The following ANKFY1 variants were observed in gnomAD, a reference collection of about 807,000 sequenced individuals.
ANKFY1 encodes ankyrin repeat and FYVE domain-containing protein 1.
In ANKFY1, 47 loss-of-function variants were observed where a neutral mutation model predicts 128.3. The observed-to-expected ratio is 0.37, with a 90% CI of 0.29 to 0.47. The LOEUF (loss-of-function observed/expected upper bound fraction) is 0.47. Among genes scored for constraint, ANKFY1 ranks in the 20% least tolerant of loss-of-function variants. ANKFY1 has a pLI of 1.00. For synonymous variants in ANKFY1, 553 were observed against 601.6 expected, an observed-to-expected ratio of 0.92 and a Z score of 1.18; for missense variants, 1,222 against 1,510.6, an observed-to-expected ratio of 0.81 and a Z score of 3.17.
At position 4,169,080 on chromosome 17, in the gene ANKFY1, A is replaced by C; in HGVS notation, c.3377+118T>G. ...CTCATCTCATCCCTCCATTTGGTCA[A>C]GGTTTGCCCATCAATGTGCAGGACC... On this transcript the variant is annotated intron_variant, in intron 24 of 24. Transcript: ENST00000341657. This position sits in a 1 kb window ranked among gnomAD's most constrained non-coding sequence, Gnocchi z 5.0. 1.1e-6 allele frequency: 1 copy of C among 884,716 alleles called. No individual in the cohort carries two copies. The highest frequency in any genetic ancestry group is 1.8e-6 in the Non-Finnish European group (1 of 560,550). The allele number at this position is 884,716 out of a possible 1,614,324, so 54.8% of individuals were successfully genotyped here. A position where few individuals can be genotyped will look rare whatever the true frequency, so the allele number is the denominator to read the frequency against.
chr17:4,232,571 G>A (rs182075556), intron 3 of ANKFY1, among the ~76,000 whole-genome samples: 17 of 152,334 alleles, frequency 1.1e-4, no homozygotes, highest in Admixed American at 1.0e-3. Flanking sequence ...GATCACTCCT[G>A]AAAGCAAACC....
chr17:4,226,924 C>T (rs527530996), intron 3 of ANKFY1, among the ~76,000 whole-genome samples: 21 of 152,096 alleles, frequency 1.4e-4, no homozygotes, highest in African/African-American at 4.8e-4. Context: ...TTGCTACAGA[C>T]ATTAAAAGGA....
chr17:4,222,237 GGAGCTGCAGTCGGCGGCCGCGGGGCCCA>G, intron 3 of ANKFY1: 1 of 390,062 alleles, frequency 2.6e-6, no homozygotes, highest in East Asian at 5.4e-5. Flanking sequence ...CGCGGACCCC[GGAGCTGCAGTCGGCGGCCGCGGGGCCCA>G]GCGTGAGCCT....
chr17:4,249,871 T>C (rs1490550972), intron 1 of ANKFY1, among the ~76,000 whole-genome samples: 2 of 150,894 alleles, frequency 1.3e-5, no homozygotes, highest in Admixed American at 1.3e-4. Flanking sequence ...CTTCCTGCCT[T>C]ACCTCCCTAA....
At chr17:4,215,607 A>T (rs1370560417) in intron 4 of ANKFY1, among the ~76,000 whole-genome samples, 1 of 152,200 alleles carries the variant, frequency 6.6e-6, no homozygotes, top group African/African-American at 2.4e-5. Context: ...TAAGAAAGCC[A>T]TGACAGATAA....
chr17:4,232,082 A>C (rs2060522605), intron 3 of ANKFY1, among the ~76,000 whole-genome samples: 1 of 152,226 alleles, frequency 6.6e-6, no homozygotes, highest in South Asian at 2.1e-4. Flanking sequence ...CACCTTGAAA[A>C]GCGCTTACCA....
intron 8 of ANKFY1, among the ~76,000 whole-genome samples, chr17:4,196,043 C>A (rs867835976): frequency 1.2e-5 from 1 of 82,168 alleles, no homozygotes; most frequent in Non-Finnish European, 2.4e-5. Context: ...CCCACCACCC[C>A]CCACCCACAC....
intron 7 of ANKFY1, among the ~76,000 whole-genome samples, chr17:4,200,952 C>A (rs996983199): frequency 6.6e-6 from 1 of 152,174 alleles, no homozygotes; most frequent in Non-Finnish European, 1.5e-5. Flanking sequence ...TGCCTGTATT[C>A]CTGTGCCCAT....
intron 4 of ANKFY1, among the ~76,000 whole-genome samples, chr17:4,213,328 T>C (rs1369586198): frequency 6.6e-6 from 1 of 151,258 alleles, no homozygotes; most frequent in African/African-American, 2.4e-5. Flanking sequence ...TAGCTGGGAT[T>C]ATAGGCGCCC....
At position 4,183,447 on chromosome 17, in the gene ANKFY1, T is replaced by C; in HGVS notation, c.1903A>G (p.Ser635Gly). The C allele has an allele frequency of 1.2e-6, 2 of 1,613,930 alleles. No homozygotes were observed. Among genetic ancestry groups the C allele is most frequent in the South Asian group, 2.2e-5 (2 of 91,078 alleles). ...TCCAGCAGGAAGAGTGCGCTCTTGCTGTCCTGCCGCTGTATGGCCATGTGC... is the reference window on the plus strand; with the variant it reads ...TCCAGCAGGAAGAGTGCGCTCTTGCCGTCCTGCCGCTGTATGGCCATGTGC... ...LLHMAIQRQD[S>G]KSALFLLEHQ... is the part of the protein sequence containing the mutation. The change falls in exon 14 of 25, where the codon AGC (serine) becomes GGC (glycine). Residue 635 changes from serine to glycine, a missense_variant. Physicochemically the swap from Ser to Gly is moderately conservative, Grantham distance 56. Transcript: ENST00000341657.
intron 7 of ANKFY1, among the ~76,000 whole-genome samples, chr17:4,200,352 C>T (rs537025741): frequency 5.3e-5 from 8 of 152,144 alleles, no homozygotes; most frequent in African/African-American, 9.7e-5. Flanking sequence ...GCGTGAGCCA[C>T]GGCACCTGGC....
intron 17 of ANKFY1, 188 bp downstream of exon 17, chr17:4,179,533 T>G (rs1267851351): frequency 7.1e-6 from 5 of 703,494 alleles, no homozygotes; most frequent in African/African-American, 7.1e-5. Context: ...ATCTTCCTCC[T>G]GTTGTAGTAA....
At chr17:4,258,580 G>C (rs1968248274) in intron 1 of ANKFY1, among the ~76,000 whole-genome samples, 1 of 150,858 alleles carries the variant, frequency 6.6e-6, no homozygotes. Context: ...ATTTCTACCA[G>C]CCTCCACTAA....
chr17:4,174,009 A>G lies in ANKFY1; in HGVS notation c.2823T>C (p.Thr941=), dbSNP rs2059369930. The G allele has an allele frequency of 2.5e-6, 4 of 1,614,232 alleles. No homozygotes were observed. Among genetic ancestry groups the G allele is most frequent in the Non-Finnish European group, 3.4e-6 (4 of 1,180,024 alleles). The change falls in exon 20 of 25, where the codon ACT becomes ACC. Residue 941 remains threonine (T), a synonymous_variant. Coordinates refer to ENST00000341657, the MANE Select transcript of ANKFY1 (RefSeq NM_001330063.2). ...KVNELTKHRQ[T]ALHLAAQQDL... ...CCTGCTGGGCAGCAAGATGGAGGGC[A>G]GTCTGGCGATGCTTGGTTAATTCGT... is the stretch of plus-strand genomic sequence containing the variant.
chr17:4,222,505 C>A, intron 3 of ANKFY1: 1 of 935,308 alleles, frequency 1.1e-6, no homozygotes, highest in African/African-American at 1.6e-5. Context: ...CATTTCTGTT[C>A]AGGGAGAAGT....
chr17:4,179,121 G>C, intron 17 of ANKFY1, 64 bp from the exon 18 acceptor site: 3 of 1,531,928 alleles, frequency 2.0e-6, no homozygotes, highest in African/African-American at 1.4e-5. Flanking sequence ...AAATATGAAA[G>C]GGTATAACTT....
chr17:4,237,374 G>T (rs2053254), intron 2 of ANKFY1, among the ~76,000 whole-genome samples: 85,430 of 151,924 alleles, frequency 0.56, 24,796 homozygotes, highest in East Asian at 0.77. Context: ...CATTATTAAT[G>T]GTCAAAGAAG....
chr17:4,178,133 C>G lies in ANKFY1; in HGVS notation c.2598+724G>C, dbSNP rs903915714. 6.5e-6 allele frequency: 1 copy of G among 152,998 alleles called. No individual in the cohort carries two copies. The highest frequency in any genetic ancestry group is 2.1e-4 in the South Asian group (1 of 4,856). The allele number at this position is 152,998 out of a possible 1,614,324, so 9.5% of individuals were successfully genotyped here. ...TGAGCAAACGTGAGGTCACCACCTA[C>G]GCAATCCAGTCACACTTGTGAAAAT... On this transcript the variant is annotated intron_variant, in intron 18 of 24. Coordinates refer to ENST00000341657, the MANE Select transcript of ANKFY1 (RefSeq NM_001330063.2). The surrounding 1 kb of genome is among the most constrained non-coding windows in gnomAD (Gnocchi z 4.1).
At chr17:4,203,005 C>T (rs1424244621) in intron 7 of ANKFY1, among the ~76,000 whole-genome samples, 1 of 142,538 alleles carries the variant, frequency 7.0e-6, no homozygotes, top group Non-Finnish European at 1.6e-5. Flanking sequence ...TATATATTCA[C>T]CCCACACAAA....
Sources: allele counts gnomAD v4.1 joint callset (sites outside exome capture counted in the v4.1 genomes callset), GRCh38; gene constraint gnomAD v4.1.1; non-coding constraint Gnocchi (gnomAD v3.1); transcripts MANE v1.5; gene names NCBI Gene and HGNC (gene_info 2026-07-23, HGNC 2026-07-21).